Variants in OLFM3 observed in about 807,000 individuals in gnomAD.
The protein encoded by OLFM3 is noelin-3.
OLFM3 carries 20 observed loss-of-function variants against 48.6 expected under a neutral mutation model. The ratio of observed to expected loss-of-function variants is 0.41; its 90% CI spans 0.29 to 0.60. The LOEUF is 0.60. Among genes scored for constraint, OLFM3 ranks in the 20% least tolerant of loss-of-function variants. The pLI is 0.28. For missense variants in OLFM3, 437 were observed against 544.3 expected, an observed-to-expected ratio of 0.80 and a Z score of 1.96; for synonymous variants, 222 against 198.1, an observed-to-expected ratio of 1.12 and a Z score of -1.01.
At chr1:101,838,604 G>T (rs555626813) in intron 1 of OLFM3, among the ~76,000 whole-genome samples, 27 of 152,066 alleles carry the variant, frequency 1.8e-4, no homozygotes, top group Non-Finnish European at 3.8e-4. Context: ...TATTTTTCTA[G>T]CTTCTCCTGA....
chr1:101,827,953 CTGAG>C (rs1428226925), intron 3 of OLFM3, among the ~76,000 whole-genome samples: 2 of 152,026 alleles, frequency 1.3e-5, no homozygotes, highest in African/African-American at 2.4e-5. Flanking sequence ...TGTTCTGATA[CTGAG>C]TGAGTTCTCA....
intron 1 of OLFM3, among the ~76,000 whole-genome samples, chr1:101,853,790 T>C (rs1172838029): frequency 6.6e-6 from 1 of 152,098 alleles, no homozygotes; most frequent in African/African-American, 2.4e-5. Flanking sequence ...ATGATGGACC[T>C]ATACGTGGGT....
At chr1:101,810,416 C>T (rs10874519) in intron 4 of OLFM3, among the ~76,000 whole-genome samples, 33 of 151,736 alleles carry the variant, frequency 2.2e-4, no homozygotes, top group African/African-American at 7.0e-4. Context: ...GTTGAAACTG[C>T]GGAGCAGAGC....
chr1:101,824,408 TTAGGAGG>T (rs2100897127), intron 4 of OLFM3, among the ~76,000 whole-genome samples: 1 of 152,224 alleles, frequency 6.6e-6, no homozygotes, highest in East Asian at 1.9e-4. Flanking sequence ...ACCACACATT[TTAGGAGG>T]TAAGAAGTAG....
At chr1:101,819,469 G>A (rs1447267968) in intron 4 of OLFM3, among the ~76,000 whole-genome samples, 1 of 152,048 alleles carries the variant, frequency 6.6e-6, no homozygotes, top group Non-Finnish European at 1.5e-5. Context: ...TGATCAGGAG[G>A]CCATTTGAGT....
rs140525201 is a variant in OLFM3, at chr1:101,910,198, C to T, written c.70-73173G>A. The T allele has an allele frequency of 8.3e-4, 765 of 922,440 alleles. 5 individuals are homozygous for T. The African/African-American group carries it at 0.013, about 15-fold the overall frequency. 57.1% of individuals were successfully genotyped at this position (922,440 alleles called of 1,614,324 possible). A position where few individuals can be genotyped will look rare whatever the true frequency, so the allele number is the denominator to read the frequency against. On this transcript the variant is annotated intron_variant, in intron 1 of 5. Transcript: ENST00000370103. ...AAGCACATTCTCGACCGGGCGCGGT[C>T]GCTCACGCCTGTAATCCCAGCACTT...
chr1:101,985,575 C>G (rs182734934), intron 1 of OLFM3, among the ~76,000 whole-genome samples: 3 of 152,272 alleles, frequency 2.0e-5, no homozygotes, highest in Non-Finnish European at 4.4e-5. Context: ...TCCATCAGCT[C>G]TGTTATAGAT....
At chr1:101,825,970 C>A (rs559916560) in intron 3 of OLFM3, among the ~76,000 whole-genome samples, 2 of 152,306 alleles carry the variant, frequency 1.3e-5, no homozygotes, top group South Asian at 2.1e-4. Flanking sequence ...TACTTCGACT[C>A]CATTTATCTT....
intron 1 of OLFM3, among the ~76,000 whole-genome samples, chr1:101,904,740 A>C (rs997466780): frequency 6.6e-6 from 1 of 152,136 alleles, no homozygotes; most frequent in Non-Finnish European, 1.5e-5. Context: ...AATCAAGGCA[A>C]TAACTTTCTC....
chr1:101,886,868 T>G (rs1657781148), intron 1 of OLFM3, among the ~76,000 whole-genome samples: 1 of 152,138 alleles, frequency 6.6e-6, no homozygotes, highest in African/African-American at 2.4e-5. Flanking sequence ...TCATTAAACA[T>G]TTATTAAAAG....
At chr1:101,983,418 T>C (rs1044567297) in intron 1 of OLFM3, among the ~76,000 whole-genome samples, 7 of 152,252 alleles carry the variant, frequency 4.6e-5, no homozygotes, top group African/African-American at 1.7e-4. Context: ...TATACAGGTT[T>C]CTGCCATGGG....
At chr1:101,837,119 A>G in intron 1 of OLFM3, 94 bp from the exon 2 acceptor site, 1 of 1,267,396 alleles carries the variant, frequency 7.9e-7, no homozygotes, top group Non-Finnish European at 1.1e-6. Context: ...CACTTTTTTG[A>G]TAATTTAACT....
chr1:101,992,631 T>G (rs1661444383), intron 1 of OLFM3, among the ~76,000 whole-genome samples: 1 of 152,092 alleles, frequency 6.6e-6, no homozygotes, highest in African/African-American at 2.4e-5. Flanking sequence ...CTTGCTTTTT[T>G]TTTTTTGGCT....
chr1:101,883,595 C>T (rs1299945346), intron 1 of OLFM3, among the ~76,000 whole-genome samples: 1 of 151,892 alleles, frequency 6.6e-6, no homozygotes, highest in East Asian at 1.9e-4. Flanking sequence ...CACTGCATCA[C>T]CTTCCTAAAG....
chr1:101,994,685 T>A (rs1661509419), intron 1 of OLFM3, among the ~76,000 whole-genome samples: 1 of 151,156 alleles, frequency 6.6e-6, no homozygotes, highest in African/African-American at 2.4e-5. Flanking sequence ...TCCTAAAACT[T>A]TTTACAACAT....
chr1:101,811,271 A>T (rs928515522), intron 4 of OLFM3, among the ~76,000 whole-genome samples: 5 of 152,114 alleles, frequency 3.3e-5, no homozygotes, highest in Non-Finnish European at 7.4e-5. Context: ...TCTATTGTCC[A>T]AGTGAATACA....
intron 1 of OLFM3, among the ~76,000 whole-genome samples, chr1:101,846,538 A>AAC: frequency 6.6e-6 from 1 of 151,990 alleles, no homozygotes; most frequent in African/African-American, 2.4e-5. Context: ...TAAGAAACAA[A>AAC]ACATATATAT....
At chr1:101,991,014 A>ATATAT (rs1303098017) in intron 1 of OLFM3, among the ~76,000 whole-genome samples, 5 of 67,142 alleles carry the variant, frequency 7.4e-5, no homozygotes, top group African/African-American at 1.8e-4. Context: ...AAAAAAAAAA[A>ATATAT]AAATATATAT....
intron 1 of OLFM3, among the ~76,000 whole-genome samples, chr1:101,837,363 C>G (rs1027068664): frequency 6.6e-6 from 1 of 152,016 alleles, no homozygotes; most frequent in Non-Finnish European, 1.5e-5. Flanking sequence ...ACATATGACT[C>G]GTCTTTCTAC....
Sources: allele counts gnomAD v4.1 joint callset (sites outside exome capture counted in the v4.1 genomes callset), GRCh38; gene constraint gnomAD v4.1.1; transcripts MANE v1.5; gene names NCBI Gene and HGNC (gene_info 2026-07-23, HGNC 2026-07-21).